The following ZFHX3 variants were observed in gnomAD, a reference collection of about 807,000 sequenced individuals.
The protein encoded by ZFHX3 is zinc finger homeobox 3.
In ZFHX3, 42 loss-of-function variants were observed where a neutral mutation model predicts 279.1. The observed-to-expected ratio is 0.15, with a 90% CI of 0.12 to 0.19. The LOEUF (loss-of-function observed/expected upper bound fraction) is 0.19. Ranked by LOEUF, ZFHX3 falls within the 10% of genes least tolerant of loss-of-function variation. The pLI, the probability that ZFHX3 is intolerant of heterozygous loss-of-function variation, is 1.00. For synonymous variants in ZFHX3, 2,293 were observed against 1,957.8 expected (o/e 1.17, Z -4.52); for missense variants, 4,981 against 4,754.0 (o/e 1.05, Z -1.40).
At chr16:73,611,255 T>C (rs1455502015) in intron 2 of ZFHX3, among the ~76,000 whole-genome samples, 1 of 152,140 alleles carries the variant, frequency 6.6e-6, no homozygotes, top group African/African-American at 2.4e-5. Flanking sequence ...CTCAAGGCAC[T>C]GGGACCATGG....
chr16:73,791,565 C>T (rs1344949463), intron 1 of ZFHX3, among the ~76,000 whole-genome samples: 1 of 152,196 alleles, frequency 6.6e-6, no homozygotes, highest in Admixed American at 6.5e-5. Flanking sequence ...GCCAGGACTA[C>T]AGGCGCACAC....
At position 72,794,313 on chromosome 16, in the gene ZFHX3, T is replaced by G; in HGVS notation, c.8369A>C (p.Lys2790Thr). The G allele has an allele frequency of 6.2e-7, 1 of 1,609,164 alleles. No individual in the cohort carries two copies. The highest frequency in any genetic ancestry group is 8.5e-7 in the Non-Finnish European group (1 of 1,177,172). Reference protein sequence around the residue: ...GQGVPLSPVSKTMELSPRTLL... With the variant: ...GQGVPLSPVSTTMELSPRTLL... Reference sequence around the variant, plus strand: ...AGTTCTGGGTGACAATTCCATGGTTTTACTCACAGGTGAGAGGGGGACACC... The same window carrying G: ...AGTTCTGGGTGACAATTCCATGGTTGTACTCACAGGTGAGAGGGGGACACC... Residue 2790 changes from lysine to threonine, a missense_variant, in exon 9 of 10, where the codon AAA becomes ACA. Transcript: ENST00000268489. This position sits in a 1 kb window ranked among gnomAD's most constrained non-coding sequence, Gnocchi z 4.2.
chr16:73,146,651 TA>T, intron 5 of ZFHX3, among the ~76,000 whole-genome samples: 1 of 152,190 alleles, frequency 6.6e-6, no homozygotes, highest in East Asian at 1.9e-4. Flanking sequence ...TCTTTCTTTT[TA>T]TTTTTTAATT....
chr16:73,379,567 G>A (rs1318422638), intron 3 of ZFHX3, among the ~76,000 whole-genome samples: 1 of 152,178 alleles, frequency 6.6e-6, no homozygotes, highest in Non-Finnish European at 1.5e-5. Flanking sequence ...GTAAGACAAT[G>A]TGTATAGAGT....
chr16:73,033,342 G>A (rs1255252582), intron 1 of ZFHX3, among the ~76,000 whole-genome samples: 2 of 151,358 alleles, frequency 1.3e-5, no homozygotes, highest in East Asian at 1.9e-4. Flanking sequence ...AGGCGCCTCC[G>A]AGGGTTCGTC....
chr16:73,761,615 A>T (rs2053867757), intron 1 of ZFHX3, among the ~76,000 whole-genome samples: 1 of 152,080 alleles, frequency 6.6e-6, no homozygotes, highest in South Asian at 2.1e-4. Context: ...AAAACAGCAT[A>T]ATACCAGTAC....
At chr16:72,992,447 T>A (rs960351501) in intron 1 of ZFHX3, among the ~76,000 whole-genome samples, 4 of 152,264 alleles carry the variant, frequency 2.6e-5, no homozygotes, top group South Asian at 4.2e-4. Flanking sequence ...GCTCTCCCTG[T>A]AAACGGATCT....
At chr16:72,899,314 G>A (rs1381323441) in intron 3 of ZFHX3, among the ~76,000 whole-genome samples, 1 of 152,036 alleles carries the variant, frequency 6.6e-6, no homozygotes, top group Non-Finnish European at 1.5e-5. Context: ...TTGTGACAGC[G>A]AGTTCTCATG....
intron 3 of ZFHX3, among the ~76,000 whole-genome samples, chr16:73,358,459 G>A (rs923914435): frequency 6.6e-6 from 1 of 152,210 alleles, no homozygotes; most frequent in African/African-American, 2.4e-5. Flanking sequence ...ATGACCCGGC[G>A]AGTGAGTTCA....
At chr16:73,844,037 C>A (rs1342975235) in intron 1 of ZFHX3, among the ~76,000 whole-genome samples, 1 of 152,166 alleles carries the variant, frequency 6.6e-6, no homozygotes, top group Non-Finnish European at 1.5e-5. Flanking sequence ...GATTGCCAAC[C>A]CTTCCTGTGT....
intron 1 of ZFHX3, among the ~76,000 whole-genome samples, chr16:73,710,126 T>G (rs1457944524): frequency 6.6e-6 from 1 of 152,188 alleles, no homozygotes; most frequent in Non-Finnish European, 1.5e-5. Context: ...GACGTTGCAG[T>G]GAGTTGTGCC....
intron 3 of ZFHX3, among the ~76,000 whole-genome samples, chr16:73,435,781 A>G (rs1463837191): frequency 6.6e-6 from 1 of 152,132 alleles, no homozygotes; most frequent in Non-Finnish European, 1.5e-5. Context: ...GCTCACAGGT[A>G]CTCACCAATG....
chr16:72,849,218 C>G (rs1197519974), intron 4 of ZFHX3, among the ~76,000 whole-genome samples: 1 of 152,090 alleles, frequency 6.6e-6, no homozygotes, highest in East Asian at 1.9e-4. Flanking sequence ...TGGAATGACC[C>G]GGGAACTCAG....
chr16:72,998,042 A>G (rs1473312386), intron 1 of ZFHX3, among the ~76,000 whole-genome samples: 5 of 152,124 alleles, frequency 3.3e-5, no homozygotes, highest in Non-Finnish European at 7.4e-5. Context: ...TGATTGCACC[A>G]CTGTACTCCC....
intron 2 of ZFHX3, among the ~76,000 whole-genome samples, chr16:73,470,688 A>G (rs1194450022): frequency 6.6e-6 from 1 of 152,192 alleles, no homozygotes; most frequent in African/African-American, 2.4e-5. Flanking sequence ...ATGGAGTGAA[A>G]TTCCACTTTC....
chr16:72,951,257 T>G (rs939937411), intron 2 of ZFHX3, among the ~76,000 whole-genome samples: 3 of 151,958 alleles, frequency 2.0e-5, no homozygotes, highest in African/African-American at 7.3e-5. Flanking sequence ...CTTTAATATT[T>G]CCTTTTCTTT....
chr16:73,866,681 T>A (rs1291704296), intron 1 of ZFHX3, among the ~76,000 whole-genome samples: 1 of 152,210 alleles, frequency 6.6e-6, no homozygotes. Context: ...CTTCCTTTAG[T>A]AATTATGTTC....
Position 72,945,154 on chromosome 16 carries a change from T to A in ZFHX3, c.3216+5315A>T, listed in dbSNP as rs141069419. Among the ~76,000 whole-genome samples, 680 of 152,192 alleles carry A rather than the reference T, an allele frequency of 4.5e-3. 11 individuals carry two copies. Among genetic ancestry groups the A allele is most frequent in the Admixed American group, 0.038 (585 of 15,276 alleles). ...ATACAACCTATTGGACGAATGTGGA[T>A]GAAGATAGGTGGGAAGCTTCTGGAA... On this transcript the variant is annotated intron_variant, in intron 3 of 9. Coordinates refer to ENST00000268489, the MANE Select transcript of ZFHX3 (RefSeq NM_006885.4).
chr16:73,349,407 C>G (rs935500349), intron 3 of ZFHX3, among the ~76,000 whole-genome samples: 1 of 152,170 alleles, frequency 6.6e-6, no homozygotes, highest in Non-Finnish European at 1.5e-5. Flanking sequence ...AGATCCCATA[C>G]AGTGTTTAGT....
Sources: gnomAD v4.1 joint callset for allele counts (sites outside exome capture counted in the v4.1 genomes callset) on GRCh38, gnomAD v4.1.1 for gene constraint, Gnocchi (gnomAD v3.1) non-coding constraint, MANE v1.5 for transcripts, NCBI Gene and HGNC (gene_info 2026-07-23, HGNC 2026-07-21) for gene names.